PCDH17: variants seen among roughly 807,000 people sequenced by gnomAD.
PCDH17 encodes the protein protocadherin-17.
PCDH17 carries 21 observed loss-of-function variants against 67.7 expected under a neutral mutation model. That is an observed-to-expected ratio of 0.31 (90% CI 0.22 to 0.45). The LOEUF (loss-of-function observed/expected upper bound fraction) is 0.45, where lower values mean the gene tolerates loss of function less well. Among genes scored for constraint, PCDH17 ranks in the 20% least tolerant of loss-of-function variants. PCDH17 has a pLI of 1.00. For synonymous variants in PCDH17, 701 were observed against 656.7 expected, an observed-to-expected ratio of 1.07 and a Z score of -1.03; for missense variants, 1,471 against 1,564.8, an observed-to-expected ratio of 0.94 and a Z score of 1.01.
At chr13:57,668,318 T>C (rs763011995) in intron 3 of PCDH17, among the ~76,000 whole-genome samples, 4 of 152,008 alleles carry the variant, frequency 2.6e-5, no homozygotes, top group Non-Finnish European at 5.9e-5. Flanking sequence ...CATAAAATGA[T>C]TGATAGATAA....
chr13:57,680,054 T>A (rs1955433767), intron 3 of PCDH17, among the ~76,000 whole-genome samples: 1 of 151,416 alleles, frequency 6.6e-6, no homozygotes, highest in Non-Finnish European at 1.5e-5. Context: ...TATATGACAT[T>A]GTTTGCCTTC....
chr13:57,667,052 C>G (rs4142427), intron 3 of PCDH17, among the ~76,000 whole-genome samples: 17 of 151,988 alleles, frequency 1.1e-4, no homozygotes, highest in Admixed American at 1.3e-4. Context: ...AATCCTAAAA[C>G]AAGAACTTGA....
intron 1 of PCDH17, among the ~76,000 whole-genome samples, chr13:57,651,437 T>C (rs1955037743): frequency 6.7e-6 from 1 of 150,232 alleles, no homozygotes; most frequent in African/African-American, 2.4e-5. Context: ...TCTCGGCTCA[T>C]TGCAATCCTT....
intron 3 of PCDH17, among the ~76,000 whole-genome samples, chr13:57,701,729 C>G (rs1955664555): frequency 6.6e-6 from 1 of 151,974 alleles, no homozygotes; most frequent in Admixed American, 6.6e-5. Flanking sequence ...AATTCTGATT[C>G]TATTTATTAC....
At chr13:57,658,189 T>C (rs1593906725) in intron 1 of PCDH17, among the ~76,000 whole-genome samples, 1 of 152,308 alleles carries the variant, frequency 6.6e-6, no homozygotes, top group East Asian at 1.9e-4. Flanking sequence ...TTCTAGAACT[T>C]GCTGAAAAAA....
In PCDH17 at chr13:57,633,857, G is replaced by A. The variant is rs868494815; in HGVS notation, c.1311G>A (p.Glu437=). 3.1e-6 allele frequency: 5 copies of A among 1,612,950 alleles called. No individual in the cohort carries two copies. Among genetic ancestry groups the A allele is most frequent in the Middle Eastern group, 1.6e-4 (1 of 6,084 alleles). ...DRPLDRETQD[E]YNVTIVARDG... ...CGCTGGACCGCGAGACACAAGACGA[G>A]TACAACGTGACCATCGTGGCGCGGG... Residue 437 remains glutamate (E), a synonymous_variant, in exon 1 of 4, where the codon GAG becomes GAA. Transcript: ENST00000377918. The surrounding 1 kb of genome is among the most constrained non-coding windows in gnomAD (Gnocchi z 6.2).
intron 1 of PCDH17, among the ~76,000 whole-genome samples, chr13:57,648,574 T>C (rs1337083075): frequency 6.6e-6 from 1 of 152,020 alleles, no homozygotes; most frequent in Non-Finnish European, 1.5e-5. Flanking sequence ...AAGTGTATAT[T>C]TGACAAAGAG....
intron 3 of PCDH17, 138 bp downstream of exon 3, chr13:57,666,971 C>T (rs1306561414): frequency 1.5e-6 from 1 of 664,552 alleles, no homozygotes; most frequent in East Asian, 3.2e-5. Flanking sequence ...CTTGAGGTTG[C>T]CCCAGAAAAA....
intron 1 of PCDH17, among the ~76,000 whole-genome samples, chr13:57,665,867 G>T (rs2138023138): frequency 6.6e-6 from 1 of 152,224 alleles, no homozygotes; most frequent in Non-Finnish European, 1.5e-5. Context: ...AAGTAAAATA[G>T]AAATCCATTC....
chr13:57,658,527 G>C (rs530212237), intron 1 of PCDH17, among the ~76,000 whole-genome samples: 12 of 152,214 alleles, frequency 7.9e-5, no homozygotes, highest in African/African-American at 2.2e-4. Flanking sequence ...CCCAGGTCTA[G>C]GTTATATTTT....
chr13:57,644,404 T>G (rs925058537), intron 1 of PCDH17, among the ~76,000 whole-genome samples: 5 of 151,760 alleles, frequency 3.3e-5, no homozygotes, highest in Admixed American at 6.6e-5. Context: ...CCTTCTGATT[T>G]TGAGCAATAG....
intron 1 of PCDH17, among the ~76,000 whole-genome samples, chr13:57,656,637 A>G (rs1288235624): frequency 6.6e-6 from 1 of 152,168 alleles, no homozygotes. Flanking sequence ...TATTCTTAAC[A>G]GAGATGGAAA....
At chr13:57,653,202 A>G (rs537585317) in intron 1 of PCDH17, among the ~76,000 whole-genome samples, 31 of 152,306 alleles carry the variant, frequency 2.0e-4, no homozygotes, top group African/African-American at 7.5e-4. Context: ...ATTTAATCAT[A>G]GAACTGGCTC....
At chr13:57,653,807 T>C (rs1021771748) in intron 1 of PCDH17, among the ~76,000 whole-genome samples, 7 of 152,140 alleles carry the variant, frequency 4.6e-5, no homozygotes, top group African/African-American at 1.7e-4. Context: ...TATAATATGC[T>C]TTAGGAAGCT....
Position 57,634,257 on chromosome 13 carries a change from G to A in PCDH17, c.1711G>A (p.Val571Met). 2 of 1,613,242 alleles carry A rather than the reference G, an allele frequency of 1.2e-6. No homozygotes were observed. Among genetic ancestry groups the A allele is most frequent in the Non-Finnish European group, 1.7e-6 (2 of 1,180,032 alleles). ...AHLESNATVRVTVLDVNDNAP... is the reference protein window; with the variant it reads ...AHLESNATVRMTVLDVNDNAP... ...CTTGGAGAGCAACGCCACGGTGAGGGTGACAGTGCTAGACGTGAATGACAA... is the reference window on the plus strand; with the variant it reads ...CTTGGAGAGCAACGCCACGGTGAGGATGACAGTGCTAGACGTGAATGACAA... The change falls in exon 1 of 4, where the codon GTG (valine) becomes ATG (methionine). Residue 571 changes from valine to methionine, a missense_variant. Physicochemically the swap from Val to Met is conservative, Grantham distance 21. Transcript: ENST00000377918. This position sits in a 1 kb window ranked among gnomAD's most constrained non-coding sequence, Gnocchi z 7.8.
chr13:57,689,266 A>G (rs1955535199), intron 3 of PCDH17, among the ~76,000 whole-genome samples: 1 of 152,046 alleles, frequency 6.6e-6, no homozygotes, highest in Admixed American at 6.6e-5. Context: ...AAGCACAACC[A>G]GAAGCTCCCT....
intron 3 of PCDH17, among the ~76,000 whole-genome samples, chr13:57,701,439 A>G (rs377333173): frequency 2.0e-5 from 3 of 152,278 alleles, no homozygotes; most frequent in African/African-American, 7.2e-5. Context: ...ATTTTCTACT[A>G]AAGGATTTCT....
At chr13:57,668,948 C>T (rs1039053475) in intron 3 of PCDH17, among the ~76,000 whole-genome samples, 3 of 152,018 alleles carry the variant, frequency 2.0e-5, no homozygotes, top group African/African-American at 7.2e-5. Flanking sequence ...CCCATTAACT[C>T]GTCATTTACA....
At position 57,634,794 on chromosome 13, in the gene PCDH17, C is replaced by G. The variant is rs761712622; in HGVS notation, c.2248C>G (p.Pro750Ala). 9 of 1,613,906 alleles carry G rather than the reference C, an allele frequency of 5.6e-6. No individual in the cohort carries two copies. Among genetic ancestry groups the G allele is most frequent in the Admixed American group, 1.7e-5 (1 of 60,002 alleles). Residue 750 changes from proline (P) to alanine (A), a missense_variant, in exon 1 of 4, where the codon CCG becomes GCG. Physicochemically the swap from Pro to Ala is conservative, Grantham distance 27. Transcript: ENST00000377918. The surrounding 1 kb of genome is among the most constrained non-coding windows in gnomAD (Gnocchi z 7.8). ...YNCRIAEYSHPQLGGGKGKKK... is the reference protein window; with the variant it reads ...YNCRIAEYSHAQLGGGKGKKK... ...CTGCCGCATCGCCGAGTACAGCCAC[C>G]CGCAGCTGGGTGGGGGCAAGGGCAA...
Sources: gnomAD v4.1 joint callset for allele counts (sites outside exome capture counted in the v4.1 genomes callset) on GRCh38, gnomAD v4.1.1 for gene constraint, Gnocchi (gnomAD v3.1) non-coding constraint, MANE v1.5 for transcripts, NCBI Gene and HGNC (gene_info 2026-07-23, HGNC 2026-07-21) for gene names.